PRKCE: variants seen among roughly 807,000 people sequenced by gnomAD.
PRKCE encodes protein kinase C epsilon type.
A neutral mutation model predicts 85.4 loss-of-function variants in PRKCE; 16 were observed. That is an observed-to-expected ratio of 0.19 (90% CI 0.13 to 0.28). The LOEUF (loss-of-function observed/expected upper bound fraction) is 0.28, where lower values mean the gene tolerates loss of function less well. PRKCE is among the 10% of genes least tolerant of loss of function. The pLI is 1.00. For synonymous variants in PRKCE, 388 were observed against 371.5 expected, an observed-to-expected ratio of 1.04 and a Z score of -0.51; for missense variants, 573 against 975.2, an observed-to-expected ratio of 0.59 and a Z score of 5.49.
At chr2:45,858,299 C>T (rs1030998856) in intron 2 of PRKCE, among the ~76,000 whole-genome samples, 10 of 152,128 alleles carry the variant, frequency 6.6e-5, no homozygotes, top group African/African-American at 2.2e-4. Context: ...ATCAAACCAG[C>T]GTCTTTTGGA....
chr2:46,006,859 T>C (rs556473037), intron 8 of PRKCE, among the ~76,000 whole-genome samples: 1 of 152,352 alleles, frequency 6.6e-6, no homozygotes, highest in Admixed American at 6.5e-5. Flanking sequence ...GCAATTCTTT[T>C]GTTAATAATA....
intron 2 of PRKCE, among the ~76,000 whole-genome samples, chr2:45,935,374 C>G (rs551053757): frequency 1.3e-5 from 2 of 152,252 alleles, no homozygotes; most frequent in South Asian, 2.1e-4. Context: ...CAGAGCCGGC[C>G]TCAAGCTAAG....
rs537078618 is a variant in PRKCE at position 45,903,402 on chromosome 2, A to G, written c.412+60339A>G. On this transcript the variant is annotated intron_variant, in intron 2 of 14. Transcript: ENST00000306156. ...AGATACAGGGAAGGATTTTGTGTCA[A>G]TGGTATGGCGTCACCATCCCCATGG... Among the ~76,000 whole-genome samples the G allele has an allele frequency of 4.1e-4, 62 of 152,336 alleles. 1 individual carries two copies. In the South Asian group the frequency reaches 4.4e-3, roughly 11 times the overall value.
intron 2 of PRKCE, among the ~76,000 whole-genome samples, chr2:45,875,664 T>C (rs1372648248): frequency 6.6e-6 from 1 of 152,236 alleles, no homozygotes; most frequent in East Asian, 1.9e-4. Context: ...AAATGTAAGC[T>C]CAAGATATTT....
At chr2:46,134,964 A>G (rs1212070354) in intron 11 of PRKCE, among the ~76,000 whole-genome samples, 1 of 152,226 alleles carries the variant, frequency 6.6e-6, no homozygotes, top group African/African-American at 2.4e-5. Context: ...AAGTAATTGG[A>G]TGATCATGCA....
At chr2:45,958,763 C>T (rs1386184696) in intron 2 of PRKCE, among the ~76,000 whole-genome samples, 1 of 114,160 alleles carries the variant, frequency 8.8e-6, no homozygotes, top group African/African-American at 3.2e-5. Context: ...ACAGAAACAC[C>T]ATTTTTCCCT....
chr2:46,075,621 C>T (rs2103785063), intron 10 of PRKCE, among the ~76,000 whole-genome samples: 1 of 152,114 alleles, frequency 6.6e-6, no homozygotes, highest in African/African-American at 2.4e-5. Context: ...TGGTCGCATC[C>T]ACCTGTAGTC....
At chr2:45,704,553 G>A (rs963518292) in intron 1 of PRKCE, among the ~76,000 whole-genome samples, 6 of 152,206 alleles carry the variant, frequency 3.9e-5, no homozygotes, top group African/African-American at 1.4e-4. Context: ...CATGGCCTTT[G>A]TTAGAAGAGT....
At position 45,838,011 on chromosome 2, in the gene PRKCE, G is replaced by A. The variant is rs2105450413; in HGVS notation, c.349-4989G>A. ...CCTAACTTTTGGCTTTTCTAAGATT[G>A]CCTTTTTAGGGCTTGATGTGGGTTG... is the stretch of plus-strand genomic sequence containing the variant. On this transcript the variant is annotated intron_variant, in intron 1 of 14. Coordinates refer to ENST00000306156, the MANE Select transcript of PRKCE (RefSeq NM_005400.3). Among the ~76,000 whole-genome samples the A allele has an allele frequency of 1.3e-5, 2 of 152,290 alleles. 1 individual carries two copies. Among genetic ancestry groups the A allele is most frequent in the Admixed American group, 1.3e-4 (2 of 15,296 alleles).
chr2:45,875,258 C>T (rs1694388052), intron 2 of PRKCE, among the ~76,000 whole-genome samples: 1 of 152,148 alleles, frequency 6.6e-6, no homozygotes, highest in South Asian at 2.1e-4. Context: ...ACACTTGAAC[C>T]CAAGGTTCAA....
chr2:45,976,651 G>A (rs1574086552), intron 3 of PRKCE, 63 bp downstream of exon 3: 3 of 1,552,008 alleles, frequency 1.9e-6, no homozygotes, highest in East Asian at 2.2e-5. Context: ...CGGGGATGGG[G>A]TAGGGGAGAC....
chr2:46,133,214 G>T (rs1463704013), intron 11 of PRKCE, among the ~76,000 whole-genome samples: 1 of 152,236 alleles, frequency 6.6e-6, no homozygotes, highest in Non-Finnish European at 1.5e-5. Context: ...CCCCCAGAAA[G>T]GTTACTCTTG....
chr2:45,872,797 C>A (rs1164200928), intron 2 of PRKCE, among the ~76,000 whole-genome samples: 1 of 152,120 alleles, frequency 6.6e-6, no homozygotes, highest in East Asian at 1.9e-4. Flanking sequence ...TTTGAGATGT[C>A]TAGGAGATAT....
At chr2:46,091,087 C>G (rs1040153838) in intron 11 of PRKCE, among the ~76,000 whole-genome samples, 1 of 152,088 alleles carries the variant, frequency 6.6e-6, no homozygotes, top group Non-Finnish European at 1.5e-5. Context: ...TTTCTTTTCC[C>G]CCTAGACAGC....
intron 10 of PRKCE, among the ~76,000 whole-genome samples, chr2:46,076,553 C>T (rs1011424674): frequency 3.3e-5 from 5 of 152,070 alleles, no homozygotes; most frequent in African/African-American, 1.2e-4. Context: ...CTTGGGGTAT[C>T]CTGTTTAAGT....
intron 10 of PRKCE, among the ~76,000 whole-genome samples, chr2:46,049,733 C>A (rs1190633633): frequency 1.3e-5 from 2 of 152,204 alleles, no homozygotes; most frequent in Non-Finnish European, 2.9e-5. Context: ...TTCTAGAAAG[C>A]CTGCCTCAGT....
intron 1 of PRKCE, among the ~76,000 whole-genome samples, chr2:45,720,706 G>A (rs1046007195): frequency 1.3e-5 from 2 of 152,144 alleles, no homozygotes; most frequent in African/African-American, 2.4e-5. Context: ...GATAGTTAAG[G>A]TCATTTCTGC....
At chr2:45,716,668 A>G (rs200660549) in intron 1 of PRKCE, among the ~76,000 whole-genome samples, 24 of 141,188 alleles carry the variant, frequency 1.7e-4, no homozygotes, top group African/African-American at 4.6e-4. Context: ...AGGAGAAGAA[A>G]AAGAAGAAGA....
chr2:45,763,761 T>C (rs1190646742), intron 1 of PRKCE, among the ~76,000 whole-genome samples: 1 of 151,980 alleles, frequency 6.6e-6, no homozygotes, highest in Non-Finnish European at 1.5e-5. Flanking sequence ...ACCCACTCAT[T>C]TTATCAGTGG....
Sources: gnomAD v4.1 joint callset for allele counts (sites outside exome capture counted in the v4.1 genomes callset) on GRCh38, gnomAD v4.1.1 for gene constraint, MANE v1.5 for transcripts, NCBI Gene and HGNC (gene_info 2026-07-23, HGNC 2026-07-21) for gene names.